Variants in PDE4B observed in about 807,000 individuals in gnomAD.
PDE4B encodes the protein phosphodiesterase 4B.
PDE4B carries 20 observed loss-of-function variants against 82.2 expected under a neutral mutation model. The observed-to-expected ratio is 0.24, with a 90% CI of 0.17 to 0.35. PDE4B has a LOEUF of 0.35. Ranked by LOEUF, PDE4B falls within the 10% of genes least tolerant of loss-of-function variation. The pLI, the probability that PDE4B is intolerant of heterozygous loss-of-function variation, is 1.00. For synonymous variants in PDE4B, 320 were observed against 318.9 expected (o/e 1.00, Z -0.04); for missense variants, 655 against 907.2 (o/e 0.72, Z 3.57).
chr1:66,235,859 G>C (rs1652380597), intron 3 of PDE4B, among the ~76,000 whole-genome samples: 1 of 152,148 alleles, frequency 6.6e-6, no homozygotes, highest in South Asian at 2.1e-4. Flanking sequence ...ATCAGAACAG[G>C]TTCAGAGAGC....
intron 4 of PDE4B, among the ~76,000 whole-genome samples, chr1:66,252,645 T>C (rs570457439): frequency 6.6e-6 from 1 of 152,330 alleles, no homozygotes; most frequent in East Asian, 1.9e-4. Context: ...TTTTGCGCCA[T>C]TGTGAACTCA....
At chr1:66,305,438 T>C (rs949930995) in intron 7 of PDE4B, among the ~76,000 whole-genome samples, 2 of 152,134 alleles carry the variant, frequency 1.3e-5, no homozygotes, top group East Asian at 3.9e-4. Flanking sequence ...CAACAGGTAA[T>C]TTTTTTAGTA....
intron 3 of PDE4B, among the ~76,000 whole-genome samples, chr1:66,012,328 G>GTT (rs1652531713): frequency 6.6e-6 from 1 of 152,102 alleles, no homozygotes; most frequent in African/African-American, 2.4e-5. Context: ...CCTCATAAAA[G>GTT]GTTTCACATT....
At position 66,284,927 on chromosome 1, in the gene PDE4B, T is replaced by C. The variant is rs574035294; in HGVS notation, c.634+18840T>C. Among the ~76,000 whole-genome samples, 3 of 152,264 alleles carry C rather than the reference T, an allele frequency of 2.0e-5. No homozygotes were observed. In the East Asian group the frequency reaches 5.8e-4, roughly 29 times the overall value. On this transcript the variant is annotated intron_variant, in intron 7 of 16. Coordinates refer to ENST00000341517, the MANE Select transcript of PDE4B (RefSeq NM_002600.4). ...GTGCTTCTTGGGATGGTTAATGTGG[T>C]TTTGGCTACAGTGACAGGAAGCAGA...
At chr1:66,066,310 G>T (rs1476411622) in intron 3 of PDE4B, among the ~76,000 whole-genome samples, 2 of 151,640 alleles carry the variant, frequency 1.3e-5, no homozygotes, top group Non-Finnish European at 3.0e-5. Flanking sequence ...AAATTAATTA[G>T]TATACATTTT....
intron 1 of PDE4B, among the ~76,000 whole-genome samples, chr1:65,834,250 G>A (rs1646115735): frequency 6.6e-6 from 1 of 152,074 alleles, no homozygotes; most frequent in Admixed American, 6.6e-5. Context: ...TGCCATGTTG[G>A]CCAGGCTGAT....
At chr1:66,198,500 G>A (rs1648536592) in intron 3 of PDE4B, among the ~76,000 whole-genome samples, 1 of 152,084 alleles carries the variant, frequency 6.6e-6, no homozygotes, top group Admixed American at 6.6e-5. Flanking sequence ...ATTCATCTTA[G>A]AGAAACTACA....
At chr1:66,175,404 A>C (rs1361427953) in intron 3 of PDE4B, among the ~76,000 whole-genome samples, 1 of 152,190 alleles carries the variant, frequency 6.6e-6, no homozygotes, top group Non-Finnish European at 1.5e-5. Context: ...TGCTTTAATT[A>C]TCTAAGCCAG....
At chr1:66,367,262 G>C (rs966458705) in intron 13 of PDE4B, among the ~76,000 whole-genome samples, 1 of 152,198 alleles carries the variant, frequency 6.6e-6, no homozygotes. Context: ...AATTGCCGGA[G>C]ATTAGGGAGA....
chr1:66,196,956 T>C (rs1163583210), intron 3 of PDE4B, among the ~76,000 whole-genome samples: 3 of 151,826 alleles, frequency 2.0e-5, no homozygotes, highest in African/African-American at 7.3e-5. Flanking sequence ...ACTTAAAGTA[T>C]AACAATAATA....
At chr1:66,340,229 C>G (rs941609996) in intron 8 of PDE4B, among the ~76,000 whole-genome samples, 2 of 152,168 alleles carry the variant, frequency 1.3e-5, no homozygotes, top group Non-Finnish European at 2.9e-5. Context: ...ACTGTTTAGT[C>G]TCTTGTGTAT....
chr1:66,051,500 AAG>A (rs1655024903), intron 3 of PDE4B, among the ~76,000 whole-genome samples: 1 of 152,148 alleles, frequency 6.6e-6, no homozygotes, highest in African/African-American at 2.4e-5. Context: ...ATGAAGAGAA[AAG>A]AGAAGATTTC....
intron 3 of PDE4B, among the ~76,000 whole-genome samples, chr1:66,075,785 G>A (rs1304099151): frequency 6.6e-6 from 1 of 151,964 alleles, no homozygotes; most frequent in East Asian, 1.9e-4. Flanking sequence ...TGTTCACCAA[G>A]CAGAAATGTT....
intron 3 of PDE4B, among the ~76,000 whole-genome samples, chr1:65,935,011 G>C (rs1210916610): frequency 6.6e-6 from 1 of 152,080 alleles, no homozygotes; most frequent in Non-Finnish European, 1.5e-5. Context: ...GACCAAATGA[G>C]CCTAACATAC....
At chr1:65,937,038 G>A (rs1648188698) in intron 3 of PDE4B, among the ~76,000 whole-genome samples, 1 of 152,128 alleles carries the variant, frequency 6.6e-6, no homozygotes, top group Middle Eastern at 3.2e-3. Context: ...CTTCTTTCAG[G>A]TTTCCTTATG....
At chr1:65,862,121 T>C (rs1180769245) in intron 1 of PDE4B, among the ~76,000 whole-genome samples, 1 of 152,152 alleles carries the variant, frequency 6.6e-6, no homozygotes, top group African/African-American at 2.4e-5. Flanking sequence ...ATCCTTGTCT[T>C]ATACCAGTTT....
chr1:66,067,259 G>A (rs371263968), intron 3 of PDE4B, among the ~76,000 whole-genome samples: 3 of 151,934 alleles, frequency 2.0e-5, no homozygotes, highest in Non-Finnish European at 4.4e-5. Flanking sequence ...CTGAGGAATC[G>A]CCACACTGAC....
chr1:66,359,285 G>A (rs1662564601), intron 9 of PDE4B, among the ~76,000 whole-genome samples: 1 of 152,180 alleles, frequency 6.6e-6, no homozygotes, highest in Non-Finnish European at 1.5e-5. Flanking sequence ...ACAGAATTTG[G>A]ATGAGACTAC....
intron 3 of PDE4B, among the ~76,000 whole-genome samples, chr1:66,114,727 C>A (rs1645559365): frequency 6.6e-6 from 1 of 150,912 alleles, no homozygotes; most frequent in Non-Finnish European, 1.5e-5. Flanking sequence ...CCTCTGCTTC[C>A]TGGGTTCAAG....
Sources: allele counts gnomAD v4.1 joint callset (sites outside exome capture counted in the v4.1 genomes callset), GRCh38; gene constraint gnomAD v4.1.1; transcripts MANE v1.5; gene names NCBI Gene and HGNC (gene_info 2026-07-23, HGNC 2026-07-21).